AK7: variants seen among roughly 807,000 people sequenced by gnomAD.
AK7 encodes the protein ATP-AMP transphosphorylase 7.
In AK7, 78 loss-of-function variants were observed where a neutral mutation model predicts 96.6. The ratio of observed to expected loss-of-function variants is 0.81; its 90% CI spans 0.67 to 0.97. The LOEUF (loss-of-function observed/expected upper bound fraction) is 0.97, where lower values mean the gene tolerates loss of function less well. Among genes scored for constraint, AK7 ranks in the 50% least tolerant of loss-of-function variants. The pLI is 0.00. For synonymous variants in AK7, 302 were observed against 317.2 expected (o/e 0.95, Z 0.51); for missense variants, 855 against 887.9 (o/e 0.96, Z 0.47).
chr14:96,463,418 T>A (rs1046283391), intron 12 of AK7, among the ~76,000 whole-genome samples: 30 of 129,888 alleles, frequency 2.3e-4, no homozygotes, highest in African/African-American at 8.3e-4. Context: ...TTAAAAAAAA[T>A]AATAATAATA....
At chr14:96,451,991 C>G (rs777725078) in intron 10 of AK7, among the ~76,000 whole-genome samples, 1 of 152,082 alleles carries the variant, frequency 6.6e-6, no homozygotes, top group Non-Finnish European at 1.5e-5. Flanking sequence ...TTGTTTCAGT[C>G]CTGGGTATAC....
At chr14:96,396,696 G>A (rs1052044038) in intron 1 of AK7, among the ~76,000 whole-genome samples, 1 of 152,162 alleles carries the variant, frequency 6.6e-6, no homozygotes, top group Non-Finnish European at 1.5e-5. Flanking sequence ...AAAATAAAAT[G>A]ATTGTTGACA....
In AK7 at chr14:96,471,525, A is replaced by G. The variant is rs1359928374; in HGVS notation, c.1405A>G (p.Lys469Glu). The change falls in exon 13 of 18, where the codon AAA becomes GAA. Residue 469 changes from lysine to glutamate, a missense_variant. Coordinates refer to ENST00000267584, the MANE Select transcript of AK7 (RefSeq NM_152327.5). ...YIIRFMKEKL[K>E]SMPCRNQGYI... ...AATTAGATTTATGAAAGAAAAGCTA[A>G]AATCAATGCCTTGCAGGAATCAAGG... is the stretch of plus-strand genomic sequence containing the variant. 6.4e-7 allele frequency: 1 copy of G among 1,565,194 alleles called. No individual in the cohort carries two copies. The highest frequency in any genetic ancestry group is 2.3e-5 in the East Asian group (1 of 44,206).
At chr14:96,476,689 T>G (rs1246763528) in intron 14 of AK7, among the ~76,000 whole-genome samples, 1 of 152,148 alleles carries the variant, frequency 6.6e-6, no homozygotes, top group African/African-American at 2.4e-5. Flanking sequence ...CTTGAAGTTC[T>G]CTGAGTCATA....
At chr14:96,431,532 A>G (rs964835712) in intron 5 of AK7, among the ~76,000 whole-genome samples, 1 of 152,244 alleles carries the variant, frequency 6.6e-6, no homozygotes, top group Non-Finnish European at 1.5e-5. Flanking sequence ...GTAGTCATTC[A>G]GGAGCAGGTT....
chr14:96,407,551 C>A (rs1890778355), intron 3 of AK7, among the ~76,000 whole-genome samples: 1 of 150,386 alleles, frequency 6.6e-6, no homozygotes, highest in Non-Finnish European at 1.5e-5. Context: ...CCTCACTTTG[C>A]AGCTCTGATA....
intron 2 of AK7, among the ~76,000 whole-genome samples, chr14:96,402,724 GGTC>G (rs1323770710): frequency 6.6e-6 from 1 of 152,090 alleles, no homozygotes; most frequent in Non-Finnish European, 1.5e-5. Context: ...TGGTGGTATG[GGTC>G]GAGTTGTTTC....
intron 8 of AK7, among the ~76,000 whole-genome samples, chr14:96,448,969 CA>C (rs975640576): frequency 1.9e-4 from 23 of 120,344 alleles, no homozygotes; most frequent in Non-Finnish European, 3.3e-4. Context: ...AACAAACAAA[CA>C]AAAAAATTGT....
intron 14 of AK7, among the ~76,000 whole-genome samples, chr14:96,476,294 T>G (rs1291435797): frequency 2.0e-5 from 3 of 152,060 alleles, no homozygotes; most frequent in Non-Finnish European, 4.4e-5. Flanking sequence ...TCACCTGAGG[T>G]CAGGAGTTCA....
chr14:96,409,897 T>C (rs1158793142), intron 4 of AK7, among the ~76,000 whole-genome samples: 2 of 152,230 alleles, frequency 1.3e-5, no homozygotes, highest in Non-Finnish European at 2.9e-5. Flanking sequence ...ACGCGAGTAG[T>C]TGACTCAACT....
At chr14:96,423,918 GC>G in intron 5 of AK7, 2 of 1,057,524 alleles carry the variant, frequency 1.9e-6, no homozygotes, top group Non-Finnish European at 2.9e-6. Flanking sequence ...AGAGGACTGT[GC>G]CACTGCTGAT....
chr14:96,405,592 C>T (rs1890666694), intron 3 of AK7, among the ~76,000 whole-genome samples: 1 of 152,110 alleles, frequency 6.6e-6, no homozygotes, highest in African/African-American at 2.4e-5. Flanking sequence ...AAAGGTACCC[C>T]AAGGCACAAG....
rs1288121196 is a variant in AK7, at chr14:96,407,575, C to CTTTTTT, written c.404-1268_404-1267insTTTTTT. On this transcript the variant is annotated intron_variant, in intron 3 of 17. Transcript: ENST00000267584. ...GCAGCTCTGATATGTTTCTTTCTTT[C>CTTTTTT]TTTTCTTTTTTTTTTTTTTTTTTTG... Among the ~76,000 whole-genome samples, 10 of 54,788 alleles carry CTTTTTT rather than the reference C, an allele frequency of 1.8e-4. 1 individual carries two copies. Among genetic ancestry groups the CTTTTTT allele is most frequent in the Admixed American group, 4.4e-4 (2 of 4,506 alleles). The allele number at this position is 54,788 out of a possible 152,430, so 35.9% of individuals were successfully genotyped here. A position where few individuals can be genotyped will look rare whatever the true frequency, so the allele number is the denominator to read the frequency against.
intron 2 of AK7, chr14:96,398,834 G>A (rs1890238905): frequency 6.4e-6 from 1 of 156,752 alleles, no homozygotes; most frequent in African/African-American, 2.4e-5. Context: ...ATTCAACACA[G>A]TCCTAGTCCT....
chr14:96,481,671 C>G (rs1895508736), intron 15 of AK7, among the ~76,000 whole-genome samples: 1 of 150,298 alleles, frequency 6.7e-6, no homozygotes, highest in African/African-American at 2.5e-5. Flanking sequence ...TGTCACAGGT[C>G]AGGCAATGAG....
chr14:96,397,304 A>T lies in AK7; in HGVS notation c.106-771A>T, dbSNP rs886425396. On this transcript the variant is annotated intron_variant, in intron 1 of 17. Transcript: ENST00000267584. ...TGCTCTGTTGCCAAGGCTGGAGTGC[A>T]ATGGCACAATCTAGGCTCACTGCAA... is the stretch of plus-strand genomic sequence containing the variant. Among the ~76,000 whole-genome samples, 7 of 152,064 alleles carry T rather than the reference A, an allele frequency of 4.6e-5. No individual in the cohort carries two copies. In the East Asian group the frequency reaches 1.4e-3, roughly 29 times the overall value.
At chr14:96,482,230 T>C (rs952826085) in intron 15 of AK7, among the ~76,000 whole-genome samples, 3 of 151,496 alleles carry the variant, frequency 2.0e-5, no homozygotes, top group Non-Finnish European at 4.4e-5. Context: ...AGACCCTGTC[T>C]CTATAAAAAC....
intron 12 of AK7, among the ~76,000 whole-genome samples, chr14:96,463,650 G>T (rs1340043388): frequency 6.6e-6 from 1 of 150,686 alleles, no homozygotes; most frequent in African/African-American, 2.4e-5. Context: ...AACCTGGGAG[G>T]CGGAGCTTGC....
Position 96,483,173 on chromosome 14 carries a change from A to G in AK7, c.1928A>G (p.Gln643Arg). ...GCTGAGGAAGCAGAACGCGAGCACC[A>G]GGAGGCCGTGGAGATGGCAGAGAAG... ...EAAEEAEREH[Q>R]EAVEMAEKIA... is the part of the protein sequence containing the mutation. Residue 643 changes from glutamine to arginine, a missense_variant, in exon 16 of 18, where the codon CAG becomes CGG. Physicochemically the swap from Gln to Arg is conservative, Grantham distance 43. Transcript: ENST00000267584. The G allele has an allele frequency of 1.9e-6, 3 of 1,613,028 alleles. No individual in the cohort carries two copies. Among genetic ancestry groups the G allele is most frequent in the Admixed American group, 3.3e-5 (2 of 59,796 alleles).
Sources: gnomAD v4.1 joint callset for allele counts (sites outside exome capture counted in the v4.1 genomes callset) on GRCh38, gnomAD v4.1.1 for gene constraint, MANE v1.5 for transcripts, NCBI Gene and HGNC (gene_info 2026-07-23, HGNC 2026-07-21) for gene names.